DZANK1: variants seen among roughly 807,000 people sequenced by gnomAD.
DZANK1 encodes the protein double zinc ribbon and ankyrin repeat domains 1, also known as double zinc ribbon and ankyrin repeat-containing protein 1.
In DZANK1, 91 loss-of-function variants were observed where a neutral mutation model predicts 94.5. That is an observed-to-expected ratio of 0.96 (90% CI 0.81 to 1.15). The LOEUF (loss-of-function observed/expected upper bound fraction) is 1.15, where lower values mean the gene tolerates loss of function less well. Ranked by LOEUF, DZANK1 falls within the 50% of genes most tolerant of loss-of-function variation. DZANK1 has a pLI of 0.00. For synonymous variants in DZANK1, 312 were observed against 325.3 expected (o/e 0.96, Z 0.44); for missense variants, 903 against 916.4 (o/e 0.99, Z 0.19).
chr20:18,422,402 G>A (rs370680228), intron 10 of DZANK1, among the ~76,000 whole-genome samples: 2 of 152,088 alleles, frequency 1.3e-5, no homozygotes, highest in South Asian at 4.1e-4. Flanking sequence ...TGGTCTACAT[G>A]CCTGTTTTTA....
At chr20:18,391,819 C>A (rs997754818) in intron 17 of DZANK1, among the ~76,000 whole-genome samples, 3 of 152,192 alleles carry the variant, frequency 2.0e-5, no homozygotes, top group Non-Finnish European at 2.9e-5. Flanking sequence ...CTGGTCCAGG[C>A]GGTGCTGCCT....
intron 3 of DZANK1, among the ~76,000 whole-genome samples, chr20:18,459,215 T>G (rs1415873473): frequency 2.6e-5 from 4 of 152,240 alleles, no homozygotes; most frequent in Non-Finnish European, 4.4e-5. Flanking sequence ...GCCTGGCAAG[T>G]GTGACAACAT....
At chr20:18,395,217 T>C (rs777868405) in intron 15 of DZANK1, among the ~76,000 whole-genome samples, 2 of 152,164 alleles carry the variant, frequency 1.3e-5, no homozygotes, top group South Asian at 2.1e-4. Context: ...AAAACTTAGC[T>C]GGGTGTGGTG....
intron 10 of DZANK1, among the ~76,000 whole-genome samples, chr20:18,426,799 A>G (rs1041656361): frequency 3.9e-5 from 6 of 152,242 alleles, no homozygotes; most frequent in African/African-American, 1.4e-4. Context: ...ACTTCCCCAC[A>G]GGCTAATGCC....
At chr20:18,400,309 T>G (rs1030002083) in intron 13 of DZANK1, among the ~76,000 whole-genome samples, 1 of 152,150 alleles carries the variant, frequency 6.6e-6, no homozygotes, top group Non-Finnish European at 1.5e-5. Flanking sequence ...CCTGGGCAAC[T>G]GGGGCCCGAT....
At chr20:18,385,019 A>T in exon 20 of DZANK1, 1 of 1,552,866 alleles carries the variant, frequency 6.4e-7, no homozygotes, top group South Asian at 1.2e-5. Flanking sequence ...GACATACCCC[A>T]GTAAAGTGGC....
chr20:18,412,120 T>C (rs2057286375), intron 13 of DZANK1, among the ~76,000 whole-genome samples: 1 of 152,050 alleles, frequency 6.6e-6, no homozygotes, highest in Non-Finnish European at 1.5e-5. Context: ...ACCACAGGCA[T>C]GCACCACCAC....
intron 13 of DZANK1, among the ~76,000 whole-genome samples, chr20:18,402,375 T>C (rs920092280): frequency 6.6e-6 from 1 of 152,110 alleles, no homozygotes; most frequent in East Asian, 1.9e-4. Context: ...GGATCAGGCA[T>C]GTGCACTAAG....
intron 9 of DZANK1, among the ~76,000 whole-genome samples, chr20:18,432,071 A>G (rs1600986645): frequency 6.6e-6 from 1 of 152,170 alleles, no homozygotes; most frequent in Non-Finnish European, 1.5e-5. Context: ...TATTCTCAAT[A>G]TAGGATTTAC....
chr20:18,412,037 A>T (rs1338053243), intron 13 of DZANK1, among the ~76,000 whole-genome samples: 1 of 152,162 alleles, frequency 6.6e-6, no homozygotes, highest in Non-Finnish European at 1.5e-5. Context: ...ATCAATTTCC[A>T]AAACGTCCCG....
chr20:18,452,578 GT>G (rs760005071), intron 6 of DZANK1, 36 bp downstream of exon 6: 1 of 1,560,890 alleles, frequency 6.4e-7, no homozygotes, highest in Non-Finnish European at 8.6e-7. Context: ...AATATAGGAG[GT>G]ATTTGAATAC....
intron 7 of DZANK1, among the ~76,000 whole-genome samples, chr20:18,447,624 G>T (rs935117967): frequency 6.6e-6 from 1 of 151,862 alleles, no homozygotes; most frequent in Non-Finnish European, 1.5e-5. Context: ...CACTGCACCC[G>T]GACTATAATG....
At chr20:18,456,053 G>A (rs2059274403) in intron 3 of DZANK1, among the ~76,000 whole-genome samples, 1 of 152,216 alleles carries the variant, frequency 6.6e-6, no homozygotes, top group Non-Finnish European at 1.5e-5. Context: ...AATTCTGGGA[G>A]GCATAGTTCA....
intron 13 of DZANK1, among the ~76,000 whole-genome samples, chr20:18,410,958 A>G (rs551546038): frequency 2.6e-5 from 4 of 152,204 alleles, no homozygotes; most frequent in Non-Finnish European, 4.4e-5. Flanking sequence ...CTCAAAAGAA[A>G]GAAAGAAAGA....
intron 6 of DZANK1, among the ~76,000 whole-genome samples, chr20:18,450,097 TAAATAAATAAATAAAC>T (rs2059044158): frequency 7.4e-6 from 1 of 134,962 alleles, no homozygotes; most frequent in African/African-American, 2.6e-5. Flanking sequence ...AATAAATAAA[TAAATAAATAAATAAAC>T]AAACAAACAA....
At chr20:18,437,784 A>G (rs2058578762) in intron 8 of DZANK1, among the ~76,000 whole-genome samples, 1 of 152,184 alleles carries the variant, frequency 6.6e-6, no homozygotes. Flanking sequence ...GTATCCACAA[A>G]AATTAAAAAT....
chr20:18,436,701 C>T (rs1034054445), intron 8 of DZANK1, among the ~76,000 whole-genome samples: 11 of 151,994 alleles, frequency 7.2e-5, no homozygotes, highest in African/African-American at 2.4e-4. Flanking sequence ...GGAGGAAAAC[C>T]AATACTCAGC....
chr20:18,439,989 C>A (rs777054768), intron 8 of DZANK1, among the ~76,000 whole-genome samples: 1 of 152,076 alleles, frequency 6.6e-6, no homozygotes, highest in Non-Finnish European at 1.5e-5. Flanking sequence ...GAGGTCATTA[C>A]AGTGGGACTT....
chr20:18,459,465 T>C (rs1427318883), intron 3 of DZANK1, among the ~76,000 whole-genome samples: 1 of 152,122 alleles, frequency 6.6e-6, no homozygotes, highest in East Asian at 1.9e-4. Flanking sequence ...TGCATTTGGT[T>C]TGGGGCTTTT....
Sources: allele counts gnomAD v4.1 joint callset (sites outside exome capture counted in the v4.1 genomes callset), GRCh38; gene constraint gnomAD v4.1.1; transcripts MANE v1.5; gene names NCBI Gene and HGNC (gene_info 2026-07-23, HGNC 2026-07-21).